Variants in TEKTL1 observed in about 807,000 individuals in gnomAD.
TEKTL1 encodes the protein tektin like 1, also known as tektin-like protein 1.
the TEKTL1 span, among the ~76,000 whole-genome samples, chr19:15,021,046 AT>A: frequency 2.0e-5 from 3 of 151,754 alleles, no homozygotes; most frequent in African/African-American, 4.8e-5. Context: ...CGCCCGGCTA[AT>A]TTTTGTATTT....
chr19:15,014,849 C>T, the TEKTL1 span, among the ~76,000 whole-genome samples: 3 of 151,792 alleles, frequency 2.0e-5, no homozygotes, highest in Non-Finnish European at 4.4e-5. Context: ...TCCAGGAAGT[C>T]GGAGGCAGAG....
chr19:15,023,074 C>G, the TEKTL1 span: 1 of 1,609,310 alleles, frequency 6.2e-7, no homozygotes, highest in Non-Finnish European at 8.5e-7. Context: ...AGGACTGGGA[C>G]CCGCGCACGC....
chr19:15,015,290 C>T, the TEKTL1 span, among the ~76,000 whole-genome samples: 2 of 152,142 alleles, frequency 1.3e-5, no homozygotes, highest in Non-Finnish European at 2.9e-5. Flanking sequence ...AAAATACTTA[C>T]CACCAATCAG....
chr19:15,021,938 A>G, the TEKTL1 span: 1 of 1,538,376 alleles, frequency 6.5e-7, no homozygotes, highest in Admixed American at 1.9e-5. Context: ...CCTCCCCCGT[A>G]CCCCTCTAGG....
the TEKTL1 span, chr19:15,021,693 C>A: frequency 5.0e-6 from 8 of 1,613,906 alleles, no homozygotes; most frequent in Admixed American, 1.3e-4. Context: ...AGTTGTACAC[C>A]ACCCACGGTC....
chr19:15,018,758 A>G, the TEKTL1 span, among the ~76,000 whole-genome samples: 1 of 131,496 alleles, frequency 7.6e-6, no homozygotes, highest in East Asian at 2.5e-4. Context: ...CTGACATCCA[A>G]GTGAACACCC....
At chr19:15,018,733 A>ATATATATATATATATATATATATATAT in the TEKTL1 span, among the ~76,000 whole-genome samples, 1 of 39,114 alleles carries the variant, frequency 2.6e-5, no homozygotes, top group Admixed American at 3.3e-4. Context: ...TATATATATA[A>ATATATATATATATATATATATATATAT]CTTCCCTGGA....
At chr19:15,021,753 T>C in the TEKTL1 span, 1 of 1,611,912 alleles carries the variant, frequency 6.2e-7, no homozygotes. Flanking sequence ...GAGGCAGGGG[T>C]GCCGGTGGCT....
chr19:15,013,342 G>A, the TEKTL1 span, among the ~76,000 whole-genome samples: 49 of 152,256 alleles, frequency 3.2e-4, no homozygotes, highest in African/African-American at 1.0e-3. Flanking sequence ...CACTGAGGAA[G>A]GGGTGCCCAG....
the TEKTL1 span, chr19:15,021,216 C>T: frequency 3.0e-4 from 321 of 1,078,530 alleles, no homozygotes; most frequent in African/African-American, 3.9e-3. Context: ...CTATCCCCCG[C>T]GCCCCCTGGA....
the TEKTL1 span, among the ~76,000 whole-genome samples, chr19:15,011,869 G>A: frequency 1.5e-4 from 23 of 152,190 alleles, no homozygotes; most frequent in Non-Finnish European, 3.1e-4. Flanking sequence ...TGTGAGGACC[G>A]CTTGAGTCCA....
At chr19:15,021,880 C>A in the TEKTL1 span, 1 of 1,614,020 alleles carries the variant, frequency 6.2e-7, no homozygotes, top group Non-Finnish European at 8.5e-7. Context: ...ACCAGAGACA[C>A]GTGGGCACCC....
the TEKTL1 span, chr19:15,020,320 A>AC: frequency 1.3e-6 from 1 of 746,330 alleles, no homozygotes. Flanking sequence ...AAAAAAAAAA[A>AC]AATGAGAGTG....
At chr19:15,015,725 G>A in the TEKTL1 span, among the ~76,000 whole-genome samples, 1 of 152,150 alleles carries the variant, frequency 6.6e-6, no homozygotes, top group South Asian at 2.1e-4. Context: ...AAGGAGGGAA[G>A]GAACAGAACA....
At chr19:15,018,038 G>C in the TEKTL1 span, among the ~76,000 whole-genome samples, 1 of 151,946 alleles carries the variant, frequency 6.6e-6, no homozygotes, top group Non-Finnish European at 1.5e-5. Context: ...CAAAATAAAA[G>C]AACAGGAAAG....
chr19:15,013,631 CCTTT>C, the TEKTL1 span: 1 of 1,460,466 alleles, frequency 6.8e-7, no homozygotes, highest in Non-Finnish European at 9.6e-7. Context: ...TCTTCCCAGC[CCTTT>C]CTTAACGATG....
chr19:15,014,263 G>A, the TEKTL1 span, among the ~76,000 whole-genome samples: 2 of 152,172 alleles, frequency 1.3e-5, no homozygotes, highest in African/African-American at 2.4e-5. Flanking sequence ...AATTAAGGGG[G>A]AAGAGCAGCC....
At chr19:15,010,867 A>G in the TEKTL1 span, 2 of 1,555,466 alleles carry the variant, frequency 1.3e-6, no homozygotes, top group Non-Finnish European at 1.7e-6. Flanking sequence ...GCCAGGACAC[A>G]CGCGTTGGGG....
chr19:15,020,685 A>G, the TEKTL1 span: 6 of 1,578,166 alleles, frequency 3.8e-6, no homozygotes, highest in African/African-American at 6.8e-5. Flanking sequence ...ACTGGGTCGT[A>G]TTGGTGCCCA....
Sources: gnomAD v4.1 joint callset for allele counts (sites outside exome capture counted in the v4.1 genomes callset) on GRCh38, gnomAD v4.1.1 for gene constraint, MANE v1.5 for transcripts, NCBI Gene and HGNC (gene_info 2026-07-23, HGNC 2026-07-21) for gene names.